The following SAMMSON variants were observed in gnomAD, a reference collection of about 807,000 sequenced individuals.
SAMMSON encodes the protein survival associated mitochondrial melanoma specific oncogenic non-coding RNA.
intron 3 of SAMMSON, among the ~76,000 whole-genome samples, chr3:70,021,853 A>T (rs1025830911): frequency 1.3e-5 from 2 of 152,172 alleles, no homozygotes; most frequent in Admixed American, 1.3e-4. Context: ...GCTGAGACTT[A>T]TTGCTATGCA....
chr3:70,339,474 G>C (rs544847295), intron 7 of SAMMSON, among the ~76,000 whole-genome samples: 5 of 152,124 alleles, frequency 3.3e-5, no homozygotes, highest in Admixed American at 6.6e-5. Flanking sequence ...GCAACCTACA[G>C]AATGGGAGAA....
chr3:70,264,750 G>C (rs545350847), intron 6 of SAMMSON, among the ~76,000 whole-genome samples: 1 of 152,320 alleles, frequency 6.6e-6, no homozygotes, highest in Non-Finnish European at 1.5e-5. Flanking sequence ...GGGAATAATA[G>C]CAGTGTGATG....
intron 1 of SAMMSON, among the ~76,000 whole-genome samples, chr3:70,008,921 G>A (rs1284671634): frequency 2.0e-5 from 3 of 152,126 alleles, no homozygotes; most frequent in Non-Finnish European, 1.5e-5. Context: ...CTTTGGTTCT[G>A]TTTATATGCT....
intron 2 of SAMMSON, among the ~76,000 whole-genome samples, chr3:70,412,268 T>C (rs1465291573): frequency 6.6e-6 from 1 of 152,212 alleles, no homozygotes; most frequent in African/African-American, 2.4e-5. Flanking sequence ...TTATGTCATA[T>C]GTACATCCTA....
chr3:70,062,780 G>A (rs1257285835), intron 3 of SAMMSON, among the ~76,000 whole-genome samples: 2 of 152,068 alleles, frequency 1.3e-5, no homozygotes, highest in African/African-American at 4.8e-5. Context: ...TCCTCTGAAA[G>A]TCAGTCGTCC....
chr3:70,310,447 C>A (rs926664436), intron 7 of SAMMSON, among the ~76,000 whole-genome samples: 1 of 150,972 alleles, frequency 6.6e-6, no homozygotes, highest in Non-Finnish European at 1.5e-5. Flanking sequence ...CTCACTGCAA[C>A]CTCTGCCTCC....
intron 1 of SAMMSON, among the ~76,000 whole-genome samples, chr3:70,005,318 G>C (rs1344539989): frequency 7.0e-6 from 1 of 142,644 alleles, no homozygotes; most frequent in Non-Finnish European, 1.5e-5. Flanking sequence ...CTTACATTAG[G>C]AATGCTAGTA....
chr3:70,103,401 G>A (rs1050040257), intron 4 of SAMMSON, among the ~76,000 whole-genome samples: 6 of 152,182 alleles, frequency 3.9e-5, no homozygotes, highest in African/African-American at 1.4e-4. Flanking sequence ...CTAGATGTAT[G>A]AGGTTAATCC....
intron 4 of SAMMSON, among the ~76,000 whole-genome samples, chr3:70,109,820 A>G (rs2067381270): frequency 6.6e-6 from 1 of 152,180 alleles, no homozygotes; most frequent in Non-Finnish European, 1.5e-5. Flanking sequence ...GATAAAATTA[A>G]TTACTTATTC....
exon 2 of SAMMSON, chr3:70,012,454 T>G (rs1326925445): frequency 1.3e-5 from 2 of 152,042 alleles, no homozygotes; most frequent in African/African-American, 2.4e-5. Flanking sequence ...CTGCGGACTT[T>G]AAAGATGAAG....
intron 3 of SAMMSON, among the ~76,000 whole-genome samples, chr3:70,064,879 T>C (rs150410116): frequency 6.6e-6 from 1 of 152,250 alleles, no homozygotes; most frequent in African/African-American, 2.4e-5. Flanking sequence ...AAGTTTTCTC[T>C]ACCCCTGAAA....
chr3:70,419,160 G>T lies in SAMMSON; in HGVS notation n.234-43400G>T, dbSNP rs575106969. ...CCGCCTCAGCCTCCTGAGTAACTGG[G>T]ACTACAGGTGTTTGCCACCACGCAT... On this transcript the variant is annotated intron_variant and non_coding_transcript_variant, in intron 2 of 3. Coordinates refer to the SAMMSON transcript ENST00000641053. Among the ~76,000 whole-genome samples, 7 of 152,020 alleles carry T rather than the reference G, an allele frequency of 4.6e-5. No individual in the cohort carries two copies. The South Asian group carries it at 1.5e-3, about 32-fold the overall frequency.
Position 70,427,922 on chromosome 3 carries a change from A to C in SAMMSON, n.234-34638A>C, listed in dbSNP as rs947146876. Among the ~76,000 whole-genome samples the C allele has an allele frequency of 3.9e-5, 6 of 152,262 alleles. No homozygotes were observed. The East Asian group carries it at 1.2e-3, about 29-fold the overall frequency. ...GAAGGATATAATATTAATATTTAGA[A>C]CCAGTTGTATTTCTATATACTAACA... On this transcript the variant is annotated intron_variant and non_coding_transcript_variant, in intron 2 of 3. Coordinates refer to the SAMMSON transcript ENST00000641053.
intron 4 of SAMMSON, among the ~76,000 whole-genome samples, chr3:70,146,023 G>C (rs2067547454): frequency 1.3e-5 from 2 of 151,898 alleles, no homozygotes; most frequent in South Asian, 4.1e-4. Context: ...CATCACTACA[G>C]ACATTAAAAG....
intron 4 of SAMMSON, among the ~76,000 whole-genome samples, chr3:70,173,861 A>G (rs896059731): frequency 3.3e-5 from 5 of 151,908 alleles, no homozygotes; most frequent in Admixed American, 6.6e-5. Context: ...ATAAGAAACA[A>G]CTTAATGCAT....
At chr3:70,169,962 G>T (rs2067655218) in intron 4 of SAMMSON, among the ~76,000 whole-genome samples, 1 of 151,894 alleles carries the variant, frequency 6.6e-6, no homozygotes, top group South Asian at 2.1e-4. Context: ...CCAGAAAGGA[G>T]GGGGACACTG....
chr3:70,182,212 C>T (rs918696048), intron 4 of SAMMSON, among the ~76,000 whole-genome samples: 1 of 152,098 alleles, frequency 6.6e-6, no homozygotes, highest in African/African-American at 2.4e-5. Context: ...TCTCCCCAAC[C>T]CCCGCCCCCA....
intron 6 of SAMMSON, among the ~76,000 whole-genome samples, chr3:70,280,601 T>C (rs1337745201): frequency 2.0e-5 from 3 of 152,148 alleles, no homozygotes; most frequent in African/African-American, 7.2e-5. Context: ...AGAAGCAGCC[T>C]CAGAAGCAAA....
At chr3:70,307,179 A>G (rs929199223) in intron 7 of SAMMSON, among the ~76,000 whole-genome samples, 2 of 152,034 alleles carry the variant, frequency 1.3e-5, no homozygotes, top group African/African-American at 4.8e-5. Context: ...TGTCCTTGGT[A>G]TTTTATTGTT....
Sources: gnomAD v4.1 joint callset for allele counts (sites outside exome capture counted in the v4.1 genomes callset) on GRCh38, gnomAD v4.1.1 for gene constraint, MANE v1.5 for transcripts, NCBI Gene and HGNC (gene_info 2026-07-23, HGNC 2026-07-21) for gene names.